The following AFG2A variants were observed in gnomAD, a reference collection of about 807,000 sequenced individuals.
The protein encoded by AFG2A is AAA ATPase AFG2A, also known as ATPase family gene 2 protein homolog A.
At chr4:122,974,743 C>G in the AFG2A span, among the ~76,000 whole-genome samples, 1 of 151,978 alleles carries the variant, frequency 6.6e-6, no homozygotes, top group African/African-American at 2.4e-5. Flanking sequence ...TGGGTTCAAG[C>G]GATTCTCCTG....
chr4:122,936,288 G>C, the AFG2A span: 1 of 467,756 alleles, frequency 2.1e-6, no homozygotes, highest in Non-Finnish European at 3.6e-6. Flanking sequence ...GTAGATTATA[G>C]ATCTAATGAA....
the AFG2A span, among the ~76,000 whole-genome samples, chr4:122,993,559 A>G: frequency 2.0e-5 from 3 of 152,152 alleles, no homozygotes; most frequent in Non-Finnish European, 4.4e-5. Context: ...TTTTAGAAAT[A>G]AAAGTATAAG....
At chr4:123,007,594 G>GTGT in the AFG2A span, among the ~76,000 whole-genome samples, 3 of 23,716 alleles carry the variant, frequency 1.3e-4, no homozygotes, top group African/African-American at 8.6e-4. Flanking sequence ...GTGTGTGTGT[G>GTGT]TGTGTGTGTG....
At chr4:123,148,769 A>ATT in the AFG2A span, among the ~76,000 whole-genome samples, 1,044 of 136,858 alleles carry the variant, frequency 7.6e-3, 11 homozygotes, top group South Asian at 0.018. Flanking sequence ...CACACACTCT[A>ATT]TTTTTTTTTT....
At chr4:122,947,545 AC>A in the AFG2A span, 2 of 1,358,494 alleles carry the variant, frequency 1.5e-6, no homozygotes, top group East Asian at 5.4e-5. Flanking sequence ...CAGTTTACTT[AC>A]ATACAAATAA....
the AFG2A span, among the ~76,000 whole-genome samples, chr4:122,925,604 C>T: frequency 6.6e-6 from 1 of 152,132 alleles, no homozygotes; most frequent in African/African-American, 2.4e-5. Flanking sequence ...TTTTCTTCTC[C>T]TCATTTAGTT....
At chr4:123,061,333 T>C in the AFG2A span, among the ~76,000 whole-genome samples, 1 of 152,192 alleles carries the variant, frequency 6.6e-6, no homozygotes, top group Non-Finnish European at 1.5e-5. Context: ...ATTAGTCCAT[T>C]TTTATACTAC....
the AFG2A span, among the ~76,000 whole-genome samples, chr4:123,156,283 A>G: frequency 0.46 from 69,320 of 151,930 alleles, 19,354 homozygotes; most frequent in Non-Finnish European, 0.61. Context: ...GTTGTAATAT[A>G]GAAGTTTGAA....
chr4:123,071,431 G>A, the AFG2A span, among the ~76,000 whole-genome samples: 14 of 150,878 alleles, frequency 9.3e-5, no homozygotes, highest in South Asian at 2.1e-4. Context: ...GATGAGCCGA[G>A]ATGGCGCCAT....
the AFG2A span, among the ~76,000 whole-genome samples, chr4:123,194,975 T>C: frequency 2.6e-5 from 4 of 152,200 alleles, no homozygotes; most frequent in East Asian, 7.7e-4. Flanking sequence ...CAAGTCACTT[T>C]ATATCTTCCT....
chr4:122,939,792 C>A, the AFG2A span, among the ~76,000 whole-genome samples: 1 of 152,158 alleles, frequency 6.6e-6, no homozygotes, highest in African/African-American at 2.4e-5. Flanking sequence ...TCCCCCAACT[C>A]CACAACAGGC....
At chr4:123,073,710 G>A in the AFG2A span, among the ~76,000 whole-genome samples, 2 of 152,092 alleles carry the variant, frequency 1.3e-5, no homozygotes, top group African/African-American at 4.8e-5. Context: ...AGAAGTTCAC[G>A]TCGGATTTGT....
chr4:123,299,971 C>A, the AFG2A span, among the ~76,000 whole-genome samples: 1 of 152,126 alleles, frequency 6.6e-6, no homozygotes, highest in South Asian at 2.1e-4. Flanking sequence ...CCTTCTTTTT[C>A]TACAACTCTT....
At chr4:123,049,479 C>T in the AFG2A span, among the ~76,000 whole-genome samples, 1 of 151,938 alleles carries the variant, frequency 6.6e-6, no homozygotes, top group Non-Finnish European at 1.5e-5. Context: ...GACATCAAAT[C>T]CTGTGCTTTT....
the AFG2A span, among the ~76,000 whole-genome samples, chr4:123,052,813 C>T: frequency 6.6e-6 from 1 of 152,128 alleles, no homozygotes; most frequent in Non-Finnish European, 1.5e-5. Flanking sequence ...AGCAATGAAA[C>T]CAGTAGTGGC....
chr4:123,031,191 G>A, the AFG2A span, among the ~76,000 whole-genome samples: 8 of 151,944 alleles, frequency 5.3e-5, no homozygotes, highest in East Asian at 1.2e-3. Context: ...TTGTTCTATC[G>A]CCCAGGCTGG....
the AFG2A span, among the ~76,000 whole-genome samples, chr4:123,173,856 C>T: frequency 2.6e-5 from 4 of 151,790 alleles, no homozygotes; most frequent in African/African-American, 9.7e-5. Flanking sequence ...TAGAAGGAAA[C>T]TTTACAAACT....
the AFG2A span, among the ~76,000 whole-genome samples, chr4:123,128,132 T>C: frequency 2.0e-5 from 3 of 152,180 alleles, no homozygotes; most frequent in African/African-American, 7.2e-5. Context: ...CCTGGAATGT[T>C]GTTGAGAAGG....
chr4:123,176,633 T>C, the AFG2A span, among the ~76,000 whole-genome samples: 56 of 152,226 alleles, frequency 3.7e-4, no homozygotes, highest in East Asian at 6.4e-3. Context: ...GTAGCCAATA[T>C]TGGGGGTGAA....
Sources: allele counts gnomAD v4.1 joint callset (sites outside exome capture counted in the v4.1 genomes callset), GRCh38; gene constraint gnomAD v4.1.1; transcripts MANE v1.5; gene names NCBI Gene and HGNC (gene_info 2026-07-23, HGNC 2026-07-21).